The following UBE2D3 variants were observed in gnomAD, a reference collection of about 807,000 sequenced individuals.
UBE2D3 encodes the protein ubiquitin conjugating enzyme E2 D3, also known as ubiquitin-conjugating enzyme E2 D3.
UBE2D3 carries 2 observed loss-of-function variants against 22.8 expected under a neutral mutation model. The observed-to-expected ratio is 0.09, with a 90% CI of 0.04 to 0.28. The LOEUF (loss-of-function observed/expected upper bound fraction) is 0.28, where lower values mean the gene tolerates loss of function less well. Ranked by LOEUF, UBE2D3 falls within the 10% of genes least tolerant of loss-of-function variation. UBE2D3 has a pLI of 1.00. For synonymous variants in UBE2D3, 56 were observed against 60.4 expected (o/e 0.93, Z 0.34); for missense variants, 27 against 182.5 (o/e 0.15, Z 4.91).
chr4:102,823,403 TGA>T (rs770867990), intron 2 of UBE2D3, among the ~76,000 whole-genome samples: 5 of 152,172 alleles, frequency 3.3e-5, no homozygotes, highest in African/African-American at 1.2e-4. Flanking sequence ...GAAGATCAAA[TGA>T]GAGTTTTTTA....
Position 102,809,713 on chromosome 4 carries a change from G to C in UBE2D3, c.89-10C>G. The stretch of plus-strand genomic sequence containing the variant: ...GCTTGCCAATGAAACACTAGAAAAA[G>C]AAAAAAAACTCTGGTTATCTAAAAA... On this transcript the variant is annotated splice_polypyrimidine_tract_variant and intron_variant, in intron 3 of 7. Transcript: ENST00000453744. 6.2e-7 allele frequency: 1 copy of C among 1,610,164 alleles called. No individual in the cohort carries two copies. Among genetic ancestry groups the C allele is most frequent in the South Asian group, 1.1e-5 (1 of 90,476 alleles).
At chr4:102,811,992 A>G (rs755958044) in intron 2 of UBE2D3, 4 of 179,798 alleles carry the variant, frequency 2.2e-5, no homozygotes, top group Non-Finnish European at 4.7e-5. Context: ...GAATTTAAAA[A>G]TGGAAACAGA....
intron 2 of UBE2D3, among the ~76,000 whole-genome samples, chr4:102,821,635 G>A (rs1729635748): frequency 6.6e-6 from 1 of 151,762 alleles, no homozygotes; most frequent in Non-Finnish European, 1.5e-5. Context: ...TAAACAATCT[G>A]ACATTTAAAA....
intron 1 of UBE2D3, among the ~76,000 whole-genome samples, chr4:102,859,502 A>C (rs1302157207): frequency 6.6e-6 from 1 of 151,984 alleles, no homozygotes; most frequent in Non-Finnish European, 1.5e-5. Flanking sequence ...AAGATCAATG[A>C]AGACATCTTT....
intron 1 of UBE2D3, chr4:102,868,672 G>A (rs751912291): frequency 1.2e-6 from 2 of 1,613,722 alleles, no homozygotes; most frequent in African/African-American, 2.7e-5. Flanking sequence ...TAGGGGAAGA[G>A]GCGGGGCGAG....
chr4:102,846,987 G>A (rs1732069876), intron 1 of UBE2D3, among the ~76,000 whole-genome samples: 2 of 151,950 alleles, frequency 1.3e-5, no homozygotes, highest in African/African-American at 4.8e-5. Context: ...GCTTGTGAAG[G>A]AGCTTGCCCA....
intron 1 of UBE2D3, among the ~76,000 whole-genome samples, chr4:102,864,683 G>T (rs2110383578): frequency 6.6e-6 from 1 of 152,312 alleles, no homozygotes; most frequent in African/African-American, 2.4e-5. Context: ...AACTTGACAA[G>T]AGGACTCTGA....
intron 1 of UBE2D3, among the ~76,000 whole-genome samples, chr4:102,868,299 A>C (rs1465760207): frequency 6.7e-6 from 1 of 149,438 alleles, no homozygotes; most frequent in Admixed American, 6.7e-5. Context: ...CGAACTCCTG[A>C]CCTCGTGATC....
At chr4:102,825,173 T>C in intron 2 of UBE2D3, 2 of 916,524 alleles carry the variant, frequency 2.2e-6, no homozygotes, top group Non-Finnish European at 2.6e-6. Flanking sequence ...AGGCAAATTC[T>C]TGCCATTCCT....
At chr4:102,857,096 G>A (rs1448557716) in intron 1 of UBE2D3, among the ~76,000 whole-genome samples, 1 of 152,168 alleles carries the variant, frequency 6.6e-6, no homozygotes, top group African/African-American at 2.4e-5. Flanking sequence ...TGTGACAAAT[G>A]TACCACACTA....
At chr4:102,847,031 C>G (rs17033359) in intron 1 of UBE2D3, among the ~76,000 whole-genome samples, 1,801 of 152,168 alleles carry the variant, frequency 0.012, 20 homozygotes, top group African/African-American at 0.036. Context: ...TGCATAGGAG[C>G]CTGGTTTCCT....
At chr4:102,818,288 C>T (rs17033333) in intron 2 of UBE2D3, among the ~76,000 whole-genome samples, 89 of 152,344 alleles carry the variant, frequency 5.8e-4, no homozygotes, top group African/African-American at 2.1e-3. Flanking sequence ...TTCTTTTCCA[C>T]AGAGTGCTCT....
At chr4:102,832,111 G>A (rs565904399), upstream of UBE2D3, among the ~76,000 whole-genome samples, 25 of 152,080 alleles carry the variant, frequency 1.6e-4, no homozygotes, top group Non-Finnish European at 2.9e-4. Context: ...CTCAGCTGGC[G>A]GTGGTCAGGG....
At chr4:102,829,934 A>T (rs1325162494), upstream of UBE2D3, among the ~76,000 whole-genome samples, 1 of 152,208 alleles carries the variant, frequency 6.6e-6, no homozygotes, top group East Asian at 1.9e-4. Flanking sequence ...AAAAACAAGA[A>T]CAAAAAACAA....
intron 1 of UBE2D3, among the ~76,000 whole-genome samples, chr4:102,861,682 G>A (rs958567086): frequency 6.6e-6 from 1 of 151,668 alleles, no homozygotes; most frequent in Non-Finnish European, 1.5e-5. Flanking sequence ...AATTTCTAAG[G>A]CAAAAAAGAT....
upstream of UBE2D3, chr4:102,827,918 C>T: frequency 1.0e-6 from 1 of 985,558 alleles, no homozygotes; most frequent in Non-Finnish European, 1.2e-6. Flanking sequence ...CACGCCCCTC[C>T]CCACAGCGTC....
intron 2 of UBE2D3, chr4:102,825,163 A>G (rs1460603929): frequency 1.2e-6 from 1 of 846,040 alleles, no homozygotes; most frequent in African/African-American, 1.8e-5. Flanking sequence ...ATTTTAGTAA[A>G]GGCAAATTCT....
intron 1 of UBE2D3, among the ~76,000 whole-genome samples, chr4:102,856,988 A>G (rs569984143): frequency 6.6e-6 from 1 of 152,208 alleles, no homozygotes; most frequent in Non-Finnish European, 1.5e-5. Context: ...ACATGACACT[A>G]TGCAGTTGTC....
chr4:102,821,346 A>C (rs994961069), intron 2 of UBE2D3, among the ~76,000 whole-genome samples: 1 of 152,172 alleles, frequency 6.6e-6, no homozygotes, highest in Non-Finnish European at 1.5e-5. Flanking sequence ...TTGAAAGGTA[A>C]ATTACAAAGT....
Sources: allele counts gnomAD v4.1 joint callset (sites outside exome capture counted in the v4.1 genomes callset), GRCh38; gene constraint gnomAD v4.1.1; transcripts MANE v1.5; gene names NCBI Gene and HGNC (gene_info 2026-07-23, HGNC 2026-07-21).